Variants in POLR3B observed in about 807,000 individuals in gnomAD.
The protein encoded by POLR3B is DNA-directed RNA polymerase III subunit RPC2.
In POLR3B, 96 loss-of-function variants were observed where a neutral mutation model predicts 147.4. That is an observed-to-expected ratio of 0.65 (90% CI 0.55 to 0.77). The LOEUF (loss-of-function observed/expected upper bound fraction) is 0.77, where lower values mean the gene tolerates loss of function less well. Ranked by LOEUF, POLR3B falls within the 30% of genes least tolerant of loss-of-function variation. POLR3B has a pLI of 0.00. For synonymous variants in POLR3B, 461 were observed against 485.9 expected, an observed-to-expected ratio of 0.95 and a Z score of 0.67; for missense variants, 1,036 against 1,413.5, an observed-to-expected ratio of 0.73 and a Z score of 4.28.
chr12:106,365,885 T>C (rs1411830217), intron 2 of POLR3B, among the ~76,000 whole-genome samples: 1 of 149,412 alleles, frequency 6.7e-6, no homozygotes, highest in Non-Finnish European at 1.5e-5. Flanking sequence ...TTTTTTTTTG[T>C]TAAAAACTAA....
At position 106,459,300 on chromosome 12, in the gene POLR3B, A is replaced by G. The variant is rs1446320539; in HGVS notation, c.2502A>G (p.Thr834=). 4.3e-6 allele frequency: 7 copies of G among 1,611,174 alleles called. No individual in the cohort carries two copies. The highest frequency in any genetic ancestry group is 1.6e-4 in the Middle Eastern group (1 of 6,072). The change falls in exon 22 of 28, where the codon ACA becomes ACG. Residue 834 remains threonine, a synonymous_variant. Coordinates refer to ENST00000228347, the MANE Select transcript of POLR3B (RefSeq NM_018082.6). Reference sequence around the variant, plus strand: ...TGCTTGTAAATAAGTCCATGCCCACAGTGACTCAGATTCCTTTGGAAGGAA... The same window carrying G: ...TGCTTGTAAATAAGTCCATGCCCACGGTGACTCAGATTCCTTTGGAAGGAA... ...KQVLVNKSMP[T]VTQIPLEGSN...
intron 1 of POLR3B, 180 bp downstream of exon 1, chr12:106,358,131 C>T (rs1435014517): frequency 2.7e-6 from 4 of 1,471,582 alleles, no homozygotes; most frequent in Non-Finnish European, 3.6e-6. Context: ...TCCGCGTGCG[C>T]GAGTGAAGGC....
intron 23 of POLR3B, among the ~76,000 whole-genome samples, chr12:106,470,363 C>T (rs961716004): frequency 6.6e-6 from 1 of 151,982 alleles, no homozygotes; most frequent in Admixed American, 6.6e-5. Context: ...AACCTTTTTT[C>T]AAGGTTTTCA....
intron 6 of POLR3B, among the ~76,000 whole-genome samples, chr12:106,375,085 G>A (rs2036660193): frequency 2.0e-5 from 3 of 152,184 alleles, no homozygotes; most frequent in Non-Finnish European, 4.4e-5. Context: ...GAGTGAATAC[G>A]TAGCAGAATA....
At position 106,510,114 on chromosome 12, in the gene POLR3B, G is replaced by A. The variant is rs55715506; in HGVS notation, c.*565G>A. ...TCCTACCTTGTCAAGCAAGAATGTC[G>A]TCTTCTCCTATGGACTCAATTGCTA... is the stretch of plus-strand genomic sequence containing the variant. On this transcript the variant is annotated 3_prime_UTR_variant, in exon 28 of 28. Transcript: ENST00000228347. 1,252 of 168,402 alleles carry A rather than the reference G, an allele frequency of 7.4e-3. 18 individuals carry two copies. The highest frequency in any genetic ancestry group is 0.028 in the African/African-American group (1,158 of 41,724). 10.4% of individuals were successfully genotyped at this position (168,402 alleles called of 1,614,324 possible). A position where few individuals can be genotyped will look rare whatever the true frequency, so the allele number is the denominator to read the frequency against.
chr12:106,371,960 TAAAA>T (rs1274274608), intron 6 of POLR3B, among the ~76,000 whole-genome samples: 2 of 151,834 alleles, frequency 1.3e-5, no homozygotes, highest in Non-Finnish European at 2.9e-5. Context: ...TAAAATAAAA[TAAAA>T]AGAGGGGGCA....
At position 106,463,575 on chromosome 12, in the gene POLR3B, C is replaced by T. The variant is rs778812401; in HGVS notation, c.2668C>T (p.Arg890Cys). The change falls in exon 23 of 28, where the codon CGT becomes TGT. Residue 890 changes from arginine (R) to cysteine (C), a missense_variant. Arg to Cys is a radical substitution (Grantham distance 180). Coordinates refer to ENST00000228347, the MANE Select transcript of POLR3B (RefSeq NM_018082.6). The part of the protein sequence containing the change: ...LIKMLLRQTR[R>C]PEIGDKFSSR... ...CAAAATGCTGCTGAGACAGACAAGG[C>T]GTCCAGAAATTGGAGACAAATTCAG... The T allele has an allele frequency of 8.1e-6, 13 of 1,613,266 alleles. No individual in the cohort carries two copies. Among genetic ancestry groups the T allele is most frequent in the South Asian group, 3.3e-5 (3 of 91,048 alleles).
rs142191959 is a variant in POLR3B at position 106,443,279 on chromosome 12, A to G, written c.1956-1184A>G. On this transcript the variant is annotated intron_variant, in intron 18 of 27. Coordinates refer to ENST00000228347, the MANE Select transcript of POLR3B (RefSeq NM_018082.6). ...TTTTTTATCAGAAATACTAGATCTC[A>G]TTTCATAACATTTACACTTTTAAAA... 4.8e-3 allele frequency among the ~76,000 whole-genome samples: 733 copies of G among 152,304 alleles called. 2 individuals are homozygous for G. The highest frequency in any genetic ancestry group is 8.6e-3 in the Non-Finnish European group (582 of 68,024).
intron 12 of POLR3B, among the ~76,000 whole-genome samples, chr12:106,424,257 G>A (rs905978199): frequency 4.6e-5 from 7 of 152,074 alleles, no homozygotes; most frequent in Non-Finnish European, 7.4e-5. Context: ...TTTTGGTTTG[G>A]TTTAGTTTTT....
At chr12:106,372,929 C>T (rs781545274) in intron 6 of POLR3B, among the ~76,000 whole-genome samples, 1 of 152,140 alleles carries the variant, frequency 6.6e-6, no homozygotes, top group Non-Finnish European at 1.5e-5. Context: ...CTTCCCATTA[C>T]GATTTCCCTT....
intron 18 of POLR3B, among the ~76,000 whole-genome samples, chr12:106,442,092 A>T (rs1565897798): frequency 6.8e-6 from 1 of 146,354 alleles, no homozygotes; most frequent in East Asian, 1.9e-4. Context: ...AAAAAAAAAA[A>T]GAAAGAAAGA....
intron 23 of POLR3B, among the ~76,000 whole-genome samples, chr12:106,474,307 G>C (rs1207464972): frequency 1.5e-5 from 2 of 131,612 alleles, no homozygotes; most frequent in African/African-American, 5.8e-5. Context: ...GTTCATCAAG[G>C]ATATTGGTCT....
At chr12:106,501,557 C>A in intron 26 of POLR3B, 121 bp downstream of exon 26, 1 of 642,154 alleles carries the variant, frequency 1.6e-6, no homozygotes, top group Non-Finnish European at 2.8e-6. Flanking sequence ...CAAAATTTGG[C>A]AAGTTTGGCA....
intron 9 of POLR3B, 107 bp from the exon 10 acceptor site, chr12:106,392,924 G>C: frequency 7.1e-7 from 1 of 1,409,004 alleles, no homozygotes; most frequent in Middle Eastern, 1.8e-4. Context: ...AGAAGAGCTA[G>C]CTTTTGCTTA....
At chr12:106,360,500 A>T (rs1364500109) in intron 1 of POLR3B, among the ~76,000 whole-genome samples, 1 of 152,222 alleles carries the variant, frequency 6.6e-6, no homozygotes. Context: ...CTCCCAGAAG[A>T]TGGTAGATCT....
At chr12:106,370,695 G>A (rs2036593674) in intron 6 of POLR3B, among the ~76,000 whole-genome samples, 1 of 143,972 alleles carries the variant, frequency 6.9e-6, no homozygotes, top group Admixed American at 7.1e-5. Flanking sequence ...GCAGTGGCAT[G>A]ATGTTGGCTC....
chr12:106,496,754 G>A lies in POLR3B; in HGVS notation c.2820G>A (p.Val940=). Residue 940 remains valine, a splice_region_variant and synonymous_variant, in exon 25 of 28, where the codon GTG becomes GTA. Coordinates refer to ENST00000228347, the MANE Select transcript of POLR3B (RefSeq NM_018082.6). ...CTTAATTTGTTCACATCCTGCAGGT[G>A]GGGAAGCTCATTGAGCTGCTGGCTG... is the stretch of plus-strand genomic sequence containing the variant. ...NPHGFPSRMT[V]GKLIELLAGK... 3 of 1,613,984 alleles carry A rather than the reference G, an allele frequency of 1.9e-6. No homozygotes were observed. Among genetic ancestry groups the A allele is most frequent in the East Asian group, 4.5e-5 (2 of 44,878 alleles).
chr12:106,405,791 G>A, intron 10 of POLR3B, 66 bp from the exon 11 acceptor site: 1 of 1,509,900 alleles, frequency 6.6e-7, no homozygotes, highest in Non-Finnish European at 9.2e-7. Flanking sequence ...TGTACATGTG[G>A]TTAGGTGCTT....
At chr12:106,413,213 A>C (rs2037252380) in intron 12 of POLR3B, among the ~76,000 whole-genome samples, 1 of 152,078 alleles carries the variant, frequency 6.6e-6, no homozygotes, top group Non-Finnish European at 1.5e-5. Flanking sequence ...AACCAAATTC[A>C]GTGTCTTGAT....
Sources: allele counts gnomAD v4.1 joint callset (sites outside exome capture counted in the v4.1 genomes callset), GRCh38; gene constraint gnomAD v4.1.1; transcripts MANE v1.5; gene names NCBI Gene and HGNC (gene_info 2026-07-23, HGNC 2026-07-21).